KCNB2: variants seen among roughly 807,000 people sequenced by gnomAD.
KCNB2 encodes the protein delayed rectifier potassium channel protein.
Under a neutral mutation model 61.5 loss-of-function variants are expected in KCNB2, and 15 were observed. The observed-to-expected ratio is 0.24, with a 90% CI of 0.16 to 0.38. The LOEUF (loss-of-function observed/expected upper bound fraction) is 0.38. Among genes scored for constraint, KCNB2 ranks in the 10% least tolerant of loss-of-function variants. The pLI, the probability that KCNB2 is intolerant of heterozygous loss-of-function variation, is 1.00. For synonymous variants in KCNB2, 457 were observed against 446.0 expected (o/e 1.02, Z -0.31); for missense variants, 828 against 1,125.2 (o/e 0.74, Z 3.78).
chr8:72,609,850 A>G (rs1585782606), intron 2 of KCNB2, among the ~76,000 whole-genome samples: 1 of 152,288 alleles, frequency 6.6e-6, no homozygotes, highest in Non-Finnish European at 1.5e-5. Flanking sequence ...AGACATCTTC[A>G]GTGCTGCCAC....
chr8:72,543,379 T>C (rs1392500741), intron 1 of KCNB2, among the ~76,000 whole-genome samples: 2 of 152,150 alleles, frequency 1.3e-5, no homozygotes, highest in African/African-American at 4.8e-5. Context: ...TCAGATAAGA[T>C]TAGAAGATAA....
At chr8:72,769,984 G>A (rs1808533652) in intron 2 of KCNB2, among the ~76,000 whole-genome samples, 1 of 152,168 alleles carries the variant, frequency 6.6e-6, no homozygotes, top group Admixed American at 6.5e-5. Context: ...ACAGAGCCCT[G>A]ATAAAACCAA....
rs562832895 is a variant in KCNB2, at chr8:72,542,853, A to G, written c.-94+4968A>G. Among the ~76,000 whole-genome samples the G allele has an allele frequency of 7.2e-5, 11 of 152,322 alleles. No homozygotes were observed. The South Asian group carries it at 2.1e-3, about 29-fold the overall frequency. On this transcript the variant is annotated intron_variant, in intron 1 of 2. Coordinates refer to ENST00000523207, the MANE Select transcript of KCNB2 (RefSeq NM_004770.3). ...TAGTTCATCCTAAAGGTATCTACTC[A>G]GCTTCTGTGTGCCAAGTCCTAAGCC...
chr8:72,753,676 A>C lies in KCNB2; in HGVS notation c.580-182259A>C, dbSNP rs903805171. Among the ~76,000 whole-genome samples, 15 of 152,312 alleles carry C rather than the reference A, an allele frequency of 9.8e-5. No individual in the cohort carries two copies. The East Asian group carries it at 2.9e-3, about 29-fold the overall frequency. On this transcript the variant is annotated intron_variant, in intron 2 of 2. Coordinates refer to ENST00000523207, the MANE Select transcript of KCNB2 (RefSeq NM_004770.3). ...CCATGAGCTTGATAGACTTGCCTTC[A>C]TAGTTAATAAGTGTTCAGGACTAGA...
intron 2 of KCNB2, among the ~76,000 whole-genome samples, chr8:72,578,614 A>T (rs899079056): frequency 2.0e-5 from 3 of 152,192 alleles, no homozygotes; most frequent in Non-Finnish European, 4.4e-5. Flanking sequence ...AATTACATGG[A>T]ATATTTACCA....
intron 2 of KCNB2, among the ~76,000 whole-genome samples, chr8:72,839,285 G>A (rs6983627): frequency 0.85 from 129,780 of 152,150 alleles, 56,310 homozygotes; most frequent in Middle Eastern, 0.97. Flanking sequence ...TAAGTGGCAA[G>A]AAAGAACACA....
At position 72,937,598 on chromosome 8, in the gene KCNB2, C is replaced by T. The variant is rs754075700; in HGVS notation, c.2243C>T (p.Thr748Ile). Residue 748 changes from threonine to isoleucine, a missense_variant, in exon 3 of 3, where the codon ACC becomes ATC. Thr to Ile is a moderately conservative substitution (Grantham distance 89). Around this residue, in one of 4 missense-constraint regions of KCNB2, gnomAD observed 559 missense variants for 588.4 expected, o/e 0.95. Transcript: ENST00000523207. The stretch of plus-strand genomic sequence containing the variant: ...ACCACAGCTGACTTTTCGCTCACTA[C>T]CCCGCAGCACATCAGTACCATCCTC... ...PVTTADFSLT[T>I]PQHISTILLE... The T allele has an allele frequency of 3.7e-6, 6 of 1,613,844 alleles. No homozygotes were observed. The African/African-American group carries it at 6.7e-5, about 18-fold the overall frequency.
At chr8:72,910,877 G>A (rs1806276309) in intron 2 of KCNB2, among the ~76,000 whole-genome samples, 1 of 152,190 alleles carries the variant, frequency 6.6e-6, no homozygotes, top group South Asian at 2.1e-4. Flanking sequence ...ATGGTTTGAA[G>A]TATAACAAAA....
In KCNB2 at chr8:72,776,080, G is replaced by T. The variant is rs1808644118; in HGVS notation, c.580-159855G>T. ...GGAATACTATGCAGCCATAAAAAAG[G>T]ATGAGTTTATGTCCTTTGTAGGGAC... is the stretch of plus-strand genomic sequence containing the variant. On this transcript the variant is annotated intron_variant, in intron 2 of 2. Transcript: ENST00000523207. Among the ~76,000 whole-genome samples, 3 of 152,124 alleles carry T rather than the reference G, an allele frequency of 2.0e-5. No individual in the cohort carries two copies. In the South Asian group the frequency reaches 6.2e-4, roughly 32 times the overall value.
rs1491494090 is a variant in KCNB2, at chr8:72,561,789, A to ATGTGTATATATATATATATATATG, written c.-93-5853_-93-5852insTGTGTATATATATATATATATATG. 1.4e-3 allele frequency among the ~76,000 whole-genome samples: 48 copies of ATGTGTATATATATATATATATATG among 33,558 alleles called. 6 individuals carry two copies. Among genetic ancestry groups the ATGTGTATATATATATATATATATG allele is most frequent in the Non-Finnish European group, 1.3e-3 (23 of 18,316 alleles). The allele number at this position is 33,558 out of a possible 152,430, so 22.0% of individuals were successfully genotyped here. A position where few individuals can be genotyped will look rare whatever the true frequency, so the allele number is the denominator to read the frequency against. ...TATATATATATATGGATATATATAT[A>ATGTGTATATATATATATATATATG]CATATATATATATATGAATGATAGT... On this transcript the variant is annotated intron_variant, in intron 1 of 2. Coordinates refer to ENST00000523207, the MANE Select transcript of KCNB2 (RefSeq NM_004770.3).
intron 2 of KCNB2, among the ~76,000 whole-genome samples, chr8:72,841,410 A>G (rs1244464474): frequency 2.8e-5 from 3 of 105,916 alleles, no homozygotes; most frequent in Admixed American, 1.3e-4. Flanking sequence ...TGTCTTGGCT[A>G]TGCAGGCTCT....
chr8:72,627,151 C>A (rs1267648456), intron 2 of KCNB2, among the ~76,000 whole-genome samples: 1 of 152,180 alleles, frequency 6.6e-6, no homozygotes. Context: ...TTACCCTTAT[C>A]AGTCATGTAT....
chr8:72,817,304 C>A (rs1056657323), intron 2 of KCNB2, among the ~76,000 whole-genome samples: 3 of 152,046 alleles, frequency 2.0e-5, no homozygotes, highest in Non-Finnish European at 4.4e-5. Context: ...CGCCGTACAC[C>A]CCCTCACCGA....
chr8:72,600,720 A>G (rs915127834), intron 2 of KCNB2, among the ~76,000 whole-genome samples: 1 of 152,178 alleles, frequency 6.6e-6, no homozygotes, highest in African/African-American at 2.4e-5. Context: ...TATTATCCTT[A>G]GCAAACTAAC....
intron 2 of KCNB2, among the ~76,000 whole-genome samples, chr8:72,714,157 A>G (rs944460809): frequency 2.6e-5 from 4 of 152,356 alleles, no homozygotes; most frequent in Admixed American, 2.6e-4. Flanking sequence ...ATATGGGACT[A>G]TGTGAAAAGA....
At chr8:72,788,641 C>T (rs180678346) in intron 2 of KCNB2, among the ~76,000 whole-genome samples, 1 of 152,104 alleles carries the variant, frequency 6.6e-6, no homozygotes, top group Non-Finnish European at 1.5e-5. Context: ...GGATGAACTC[C>T]AAAGAGTTCT....
intron 2 of KCNB2, among the ~76,000 whole-genome samples, chr8:72,855,844 T>C (rs1585934635): frequency 6.6e-6 from 1 of 152,164 alleles, no homozygotes; most frequent in African/African-American, 2.4e-5. Context: ...GATACCACAA[T>C]TGGTGGATGT....
At chr8:72,828,406 T>C (rs1250486261) in intron 2 of KCNB2, among the ~76,000 whole-genome samples, 4 of 152,180 alleles carry the variant, frequency 2.6e-5, no homozygotes, top group Non-Finnish European at 5.9e-5. Context: ...CCATTCATCA[T>C]ATGGCCCTAG....
intron 2 of KCNB2, among the ~76,000 whole-genome samples, chr8:72,805,265 C>T (rs1249536400): frequency 6.6e-6 from 1 of 152,172 alleles, no homozygotes; most frequent in Non-Finnish European, 1.5e-5. Flanking sequence ...TCAAATATGT[C>T]AGGAAAGAAA....
Sources: gnomAD v4.1 joint callset for allele counts (sites outside exome capture counted in the v4.1 genomes callset) on GRCh38, gnomAD v4.1.1 for gene constraint, gnomAD v4.1.1 regional missense constraint, MANE v1.5 for transcripts, NCBI Gene and HGNC (gene_info 2026-07-23, HGNC 2026-07-21) for gene names.